Variants in PPIP5K2 observed in about 807,000 individuals in gnomAD.
PPIP5K2 encodes diphosphoinositol pentakisphosphate kinase 2.
In PPIP5K2, 105 loss-of-function variants were observed where a neutral mutation model predicts 154.6. That is an observed-to-expected ratio of 0.68 (90% CI 0.58 to 0.80). The LOEUF is 0.80. Ranked by LOEUF, PPIP5K2 falls within the 30% of genes least tolerant of loss-of-function variation. PPIP5K2 has a pLI of 0.00. For missense variants in PPIP5K2, 992 were observed against 1,504.6 expected (o/e 0.66, Z 5.64); for synonymous variants, 480 against 490.3 (o/e 0.98, Z 0.28).
At chr5:103,145,630 C>T (rs1172128163) in intron 5 of PPIP5K2, among the ~76,000 whole-genome samples, 1 of 151,450 alleles carries the variant, frequency 6.6e-6, no homozygotes, top group Non-Finnish European at 1.5e-5. Context: ...GTGAAATAAG[C>T]CAGGCAAGAA....
Position 103,151,374 on chromosome 5 carries a change from G to C in PPIP5K2, c.1028G>C (p.Gly343Ala). The C allele has an allele frequency of 6.3e-7, 1 of 1,589,806 alleles. No homozygotes were observed. The highest frequency in any genetic ancestry group is 1.2e-5 in the South Asian group (1 of 86,730). Residue 343 changes from glycine to alanine, a missense_variant and splice_region_variant, in exon 9 of 31, where the codon GGA (glycine) becomes GCA (alanine). By Grantham distance (60) the Gly-to-Ala change is moderately conservative. This residue lies in a region of PPIP5K2 where 163 missense variants were observed against 285.2 expected (regional missense o/e 0.57). Coordinates refer to ENST00000358359, the MANE Select transcript of PPIP5K2 (RefSeq NM_001276277.3). ...TATGATGACTGTGCAAAAATACTTGGGTAAGAATTTTTAAATTTTTCTTTT... is the reference window on the plus strand; with the variant it reads ...TATGATGACTGTGCAAAAATACTTGCGTAAGAATTTTTAAATTTTTCTTTT... ...KYYDDCAKIL[G>A]NIVMRELAPQ...
intron 25 of PPIP5K2, chr5:103,184,234 T>TTAA (rs1383208926): frequency 6.5e-6 from 1 of 153,546 alleles, no homozygotes; most frequent in African/African-American, 2.4e-5. Flanking sequence ...AGGCTGTGAA[T>TTAA]ATTTAAAGGT....
chr5:103,129,618 G>T lies in PPIP5K2; in HGVS notation c.29G>T (p.Gly10Val), dbSNP rs782623182. 3.1e-6 allele frequency: 5 copies of T among 1,606,494 alleles called. No homozygotes were observed. Among genetic ancestry groups the T allele is most frequent in the Non-Finnish European group, 4.2e-6 (5 of 1,177,960 alleles). The change falls in exon 2 of 31, where the codon GGA becomes GTA. Residue 10 changes from glycine (G) to valine (V), a missense_variant. Around this residue, in one of 9 missense-constraint regions of PPIP5K2, gnomAD observed 153 missense variants for 200.4 expected, o/e 0.76. Coordinates refer to ENST00000358359, the MANE Select transcript of PPIP5K2 (RefSeq NM_001276277.3). MSEAPRFFV[G>V]PEDTEINPGN... Reference sequence around the variant, plus strand: ...AGTGAAGCCCCCAGATTCTTCGTTGGACCAGAAGATACAGAAATAAATCCT... The same window carrying T: ...AGTGAAGCCCCCAGATTCTTCGTTGTACCAGAAGATACAGAAATAAATCCT...
chr5:103,150,054 A>G (rs776365717), intron 8 of PPIP5K2, among the ~76,000 whole-genome samples: 8 of 152,166 alleles, frequency 5.3e-5, no homozygotes, highest in Non-Finnish European at 1.0e-4. Flanking sequence ...CTCTCAATCT[A>G]TATTGTTAAG....
At position 103,154,665 on chromosome 5, in the gene PPIP5K2, A is replaced by G. The variant is rs781977873; in HGVS notation, c.1218-5A>G. 9 of 1,480,444 alleles carry G rather than the reference A, an allele frequency of 6.1e-6. No individual in the cohort carries two copies. Among genetic ancestry groups the G allele is most frequent in the Non-Finnish European group, 8.3e-6 (9 of 1,082,466 alleles). The allele number at this position is 1,480,444 out of a possible 1,614,324, so 91.7% of individuals were successfully genotyped here. A position where few individuals can be genotyped will look rare whatever the true frequency, so the allele number is the denominator to read the frequency against. On this transcript the variant is annotated splice_region_variant and splice_polypyrimidine_tract_variant and intron_variant, in intron 11 of 30. Coordinates refer to ENST00000358359, the MANE Select transcript of PPIP5K2 (RefSeq NM_001276277.3). ...TGACTAACAGTGTTCTGTCTTTTTT[A>G]TAAGATTTTTTGATCTTTTTGAAAA...
In PPIP5K2 at chr5:103,205,535, G is replaced by A. The variant is rs918166153; in HGVS notation, c.*3901G>A. 3 of 152,148 alleles carry A rather than the reference G, an allele frequency of 2.0e-5. No individual in the cohort carries two copies. The highest frequency in any genetic ancestry group is 2.1e-4 in the South Asian group (1 of 4,828). The allele number at this position is 152,148 out of a possible 1,614,324, so 9.4% of individuals were successfully genotyped here. A position where few individuals can be genotyped will look rare whatever the true frequency, so the allele number is the denominator to read the frequency against. Reference sequence around the variant, plus strand: ...TTCAATGATCGCCATTCTAACTGGCGTGAGATGGTATCTCATTTGTAAGAT... The same window carrying A: ...TTCAATGATCGCCATTCTAACTGGCATGAGATGGTATCTCATTTGTAAGAT... On this transcript the variant is annotated 3_prime_UTR_variant, in exon 31 of 31. Transcript: ENST00000358359.
rs1554225028 is a variant in PPIP5K2, at chr5:103,186,359, G to A, written c.3209G>A (p.Gly1070Glu). ...CAGLFSTSVL[G>E]GSSSAPNLQD... Reference sequence around the variant, plus strand: ...GGCCTGTTTAGCACCTCGGTGCTCGGGGGTTCTTCAAGCGCACCTAACCTA... The same window carrying A: ...GGCCTGTTTAGCACCTCGGTGCTCGAGGGTTCTTCAAGCGCACCTAACCTA... The change falls in exon 27 of 31, where the codon GGG (glycine) becomes GAG (glutamate). Residue 1070 changes from glycine (G) to glutamate (E), a missense_variant. This residue lies in a region of PPIP5K2 where 204 missense variants were observed against 224.0 expected (regional missense o/e 0.91). Coordinates refer to ENST00000358359, the MANE Select transcript of PPIP5K2 (RefSeq NM_001276277.3). The A allele has an allele frequency of 6.2e-7, 1 of 1,613,852 alleles. No individual in the cohort carries two copies.
intron 2 of PPIP5K2, among the ~76,000 whole-genome samples, chr5:103,130,174 G>A (rs1017167242): frequency 5.3e-5 from 8 of 152,256 alleles, no homozygotes; most frequent in Non-Finnish European, 1.0e-4. Flanking sequence ...AAAACTGAGT[G>A]GCTAGAAGGG....
chr5:103,141,631 A>G (rs1554206787), intron 5 of PPIP5K2, among the ~76,000 whole-genome samples: 1 of 152,160 alleles, frequency 6.6e-6, no homozygotes, highest in Non-Finnish European at 1.5e-5. Context: ...TTAGTTAGAT[A>G]CAGAGTTTCG....
chr5:103,139,765 C>T (rs1188672273), intron 5 of PPIP5K2, among the ~76,000 whole-genome samples: 1 of 152,088 alleles, frequency 6.6e-6, no homozygotes, highest in African/African-American at 2.4e-5. Context: ...CCTGAGGAAG[C>T]TCAAGAACTT....
intron 17 of PPIP5K2, among the ~76,000 whole-genome samples, chr5:103,165,551 A>T (rs1796997301): frequency 6.6e-6 from 1 of 152,124 alleles, no homozygotes; most frequent in Non-Finnish European, 1.5e-5. Context: ...GTTTGAAGAG[A>T]GCCCCTGCGA....
rs141306408 is a variant in PPIP5K2, at chr5:103,170,061, A to G, written c.2286+1766A>G. On this transcript the variant is annotated intron_variant, in intron 19 of 30. Coordinates refer to ENST00000358359, the MANE Select transcript of PPIP5K2 (RefSeq NM_001276277.3). Reference sequence around the variant, plus strand: ...TTCCATTATATATACTAAATATTTTACAACTGGGAATGAAAAATTAGTCCC... The same window carrying G: ...TTCCATTATATATACTAAATATTTTGCAACTGGGAATGAAAAATTAGTCCC... Among the ~76,000 whole-genome samples, 9 of 151,652 alleles carry G rather than the reference A, an allele frequency of 5.9e-5. 1 individual carries two copies. The highest frequency in any genetic ancestry group is 2.2e-4 in the African/African-American group (9 of 41,492).
At position 103,206,853 on chromosome 5, in the gene PPIP5K2, A is replaced by C. The variant is rs1803542830; in HGVS notation, c.*5219A>C. The stretch of plus-strand genomic sequence containing the variant: ...GTTTCACTGCTAAGGAGCAATGAAC[A>C]AAAGGTTCCTGCCATCTTATGGACC... On this transcript the variant is annotated 3_prime_UTR_variant, in exon 31 of 31. Coordinates refer to ENST00000358359, the MANE Select transcript of PPIP5K2 (RefSeq NM_001276277.3). 1.3e-5 allele frequency: 2 copies of C among 152,406 alleles called. No individual in the cohort carries two copies. Among genetic ancestry groups the C allele is most frequent in the South Asian group, 4.1e-4 (2 of 4,824 alleles). 9.4% of individuals were successfully genotyped at this position (152,406 alleles called of 1,614,324 possible). A position where few individuals can be genotyped will look rare whatever the true frequency, so the allele number is the denominator to read the frequency against.
intron 30 of PPIP5K2, among the ~76,000 whole-genome samples, chr5:103,197,015 A>T (rs1554228739): frequency 6.6e-6 from 1 of 152,210 alleles, no homozygotes; most frequent in East Asian, 1.9e-4. Flanking sequence ...AAGGATCGAC[A>T]GTACAATCAG....
chr5:103,136,835 G>T lies in PPIP5K2; in HGVS notation c.401+13G>T. 2 of 1,593,388 alleles carry T rather than the reference G, an allele frequency of 1.3e-6. No individual in the cohort carries two copies. The highest frequency in any genetic ancestry group is 4.5e-5 in the East Asian group (2 of 44,718). On this transcript the variant is annotated intron_variant, in intron 4 of 30. Coordinates refer to ENST00000358359, the MANE Select transcript of PPIP5K2 (RefSeq NM_001276277.3). ...TCATACAAGATAGGTGAGTGGTGAA[G>T]TTGGCTGAATTAAGGGAAGGAAAAA...
intron 6 of PPIP5K2, 113 bp downstream of exon 6, chr5:103,146,794 AT>A: frequency 1.2e-6 from 1 of 865,758 alleles, no homozygotes; most frequent in Non-Finnish European, 1.6e-6. Flanking sequence ...AAAATGTATC[AT>A]TTAGAGGTAA....
At chr5:103,136,045 C>T (rs1791443981) in intron 3 of PPIP5K2, 1 of 146,960 alleles carries the variant, frequency 6.8e-6, no homozygotes, top group African/African-American at 2.5e-5. Context: ...GATCTCCACT[C>T]ACCGCAACCT....
intron 24 of PPIP5K2, 32 bp from the exon 25 acceptor site, chr5:103,183,176 CTTTTTTTTTTTTTTTTTTTTTTTTTT>C: frequency 1.1e-5 from 6 of 538,852 alleles, no homozygotes; most frequent in Non-Finnish European, 1.4e-5. Flanking sequence ...GCATGCTCTG[CTTTTTTTTTTTTTTTTTTTTTTTTTT>C]TTTTTTTTTT....
chr5:103,129,510 T>C lies in PPIP5K2; in HGVS notation c.-80T>C. 1 of 1,173,224 alleles carries C rather than the reference T, an allele frequency of 8.5e-7. No homozygotes were observed. Among genetic ancestry groups the C allele is most frequent in the East Asian group, 2.7e-5 (1 of 37,426 alleles). 72.7% of individuals were successfully genotyped at this position (1,173,224 alleles called of 1,614,324 possible). ...TGTGCGTCAGCTAATATATGGAGAA[T>C]GCTTTCTTCTGATACTATTTACTTA... On this transcript the variant is annotated 5_prime_UTR_variant, in exon 2 of 31. The change abolishes an upstream ATG in the 5' untranslated region. Coordinates refer to ENST00000358359, the MANE Select transcript of PPIP5K2 (RefSeq NM_001276277.3).
Sources: gnomAD v4.1 joint callset for allele counts (sites outside exome capture counted in the v4.1 genomes callset) on GRCh38, gnomAD v4.1.1 for gene constraint, gnomAD v4.1.1 regional missense constraint, MANE v1.5 for transcripts, NCBI Gene and HGNC (gene_info 2026-07-23, HGNC 2026-07-21) for gene names.